KIAA0753: variants seen among roughly 807,000 people sequenced by gnomAD.
The protein encoded by KIAA0753 is protein moonraker.
A neutral mutation model predicts 116.9 loss-of-function variants in KIAA0753; 114 were observed. The ratio of observed to expected loss-of-function variants is 0.98; its 90% confidence interval spans 0.84 to 1.14. The LOEUF (loss-of-function observed/expected upper bound fraction) is 1.14, where lower values mean the gene tolerates loss of function less well. Ranked by LOEUF, KIAA0753 falls within the 50% of genes most tolerant of loss-of-function variation. KIAA0753 has a pLI of 0.00. For missense variants in KIAA0753, 1,156 were observed against 1,172.4 expected, an observed-to-expected ratio of 0.99 and a Z score of 0.20; for synonymous variants, 405 against 413.1, an observed-to-expected ratio of 0.98 and a Z score of 0.24.
At chr17:6,635,395 A>G in intron 1 of KIAA0753, 1 of 227,852 alleles carries the variant, frequency 4.4e-6, no homozygotes, top group Non-Finnish European at 8.3e-6. Context: ...ATAGGGGAAC[A>G]CTTACTATTT....
chr17:6,588,774 A>C (rs978918093), intron 18 of KIAA0753, among the ~76,000 whole-genome samples: 1 of 152,166 alleles, frequency 6.6e-6, no homozygotes, highest in East Asian at 1.9e-4. Context: ...TAAAAAGAAT[A>C]GATTTACACC....
chr17:6,603,961 C>T (rs534615962), intron 12 of KIAA0753, among the ~76,000 whole-genome samples: 7 of 152,170 alleles, frequency 4.6e-5, no homozygotes, highest in Non-Finnish European at 5.9e-5. Context: ...CCCATCAGAA[C>T]GCCTACAAAA....
intron 2 of KIAA0753, among the ~76,000 whole-genome samples, chr17:6,631,404 C>T (rs1972013642): frequency 6.6e-6 from 1 of 152,196 alleles, no homozygotes; most frequent in Non-Finnish European, 1.5e-5. Context: ...CATTCCAGAA[C>T]TGAGCAAAAA....
chr17:6,620,145 G>A (rs1018619970), intron 7 of KIAA0753, among the ~76,000 whole-genome samples: 22 of 152,156 alleles, frequency 1.4e-4, no homozygotes, highest in South Asian at 2.1e-4. Flanking sequence ...AGGAGCATGT[G>A]AAGAAACGAC....
At chr17:6,616,195 A>G (rs1335095634) in intron 7 of KIAA0753, among the ~76,000 whole-genome samples, 1 of 152,218 alleles carries the variant, frequency 6.6e-6, no homozygotes, top group Non-Finnish European at 1.5e-5. Flanking sequence ...TGGCAGAGCC[A>G]AGTCTTCTGG....
intron 2 of KIAA0753, among the ~76,000 whole-genome samples, chr17:6,630,095 T>C (rs1026989320): frequency 4.6e-5 from 7 of 151,956 alleles, no homozygotes; most frequent in African/African-American, 1.5e-4. Context: ...GCACTCAAGC[T>C]TGGGTGACAG....
intron 18 of KIAA0753, 108 bp from the exon 19 acceptor site, chr17:6,579,972 C>G (rs949011442): frequency 1.3e-5 from 10 of 750,846 alleles, no homozygotes; most frequent in African/African-American, 1.0e-4. Flanking sequence ...CACCTGAGGT[C>G]AGGAGTTTGA....
At chr17:6,606,357 T>C (rs1353561192) in intron 12 of KIAA0753, among the ~76,000 whole-genome samples, 1 of 152,212 alleles carries the variant, frequency 6.6e-6, no homozygotes, top group Non-Finnish European at 1.5e-5. Context: ...AATGAGGTAA[T>C]TGCAGCAGCA....
intron 4 of KIAA0753, among the ~76,000 whole-genome samples, chr17:6,624,536 C>CCACACACACACACA (rs55849399): frequency 9.0e-4 from 130 of 144,012 alleles, no homozygotes; most frequent in East Asian, 2.5e-3. Context: ...GAGTTTGGCG[C>CCACACACACACACA]CACACACACA....
rs1419152149 is a variant in KIAA0753 at position 6,600,435 on chromosome 17, T to C, written c.2033A>G (p.Asp678Gly). 3 of 1,613,834 alleles carry C rather than the reference T, an allele frequency of 1.9e-6. No individual in the cohort carries two copies. In the Admixed American group the frequency reaches 5.0e-5, roughly 27 times the overall value. ...QLSVSATHLA[D>G]KVEEAVLDRL... ...ATCCAGAACTGCCTCCTCTACCTTGTCTGCTAAGTGGGTGGCAGAAACACT... is the reference window on the plus strand; with the variant it reads ...ATCCAGAACTGCCTCCTCTACCTTGCCTGCTAAGTGGGTGGCAGAAACACT... The change falls in exon 13 of 19, where the codon GAC becomes GGC. Residue 678 changes from aspartate (D) to glycine (G), a missense_variant. Physicochemically the swap from Asp to Gly is moderately conservative, Grantham distance 94. Coordinates refer to ENST00000361413, the MANE Select transcript of KIAA0753 (RefSeq NM_014804.3).
chr17:6,578,875 G>A lies in KIAA0753; in HGVS notation c.*872C>T, dbSNP rs1392810236. ...TTAAGTTTCTTCCTTTCTCTGGGGA[G>A]ACACAGAGGTCTTCGCGCCATCCAT... On this transcript the variant is annotated 3_prime_UTR_variant, in exon 19 of 19. Coordinates refer to ENST00000361413, the MANE Select transcript of KIAA0753 (RefSeq NM_014804.3). 6.6e-6 allele frequency: 1 copy of A among 151,916 alleles called. No individual in the cohort carries two copies. Among genetic ancestry groups the A allele is most frequent in the Non-Finnish European group, 1.5e-5 (1 of 67,908 alleles). The allele number at this position is 151,916 out of a possible 1,614,324, so 9.4% of individuals were successfully genotyped here. A position where few individuals can be genotyped will look rare whatever the true frequency, so the allele number is the denominator to read the frequency against.
Position 6,622,864 on chromosome 17 carries a change from T to C in KIAA0753, c.1104+18A>G, listed in dbSNP as rs140984348. On this transcript the variant is annotated intron_variant, in intron 6 of 18. Coordinates refer to ENST00000361413, the MANE Select transcript of KIAA0753 (RefSeq NM_014804.3). ...ACTTCCAATGCACCTCTAACAAAAA[T>C]TGGAATTAATTCCATACCTCAATTT... 23 of 1,600,094 alleles carry C rather than the reference T, an allele frequency of 1.4e-5. No individual in the cohort carries two copies. The East Asian group carries it at 2.9e-4, about 20-fold the overall frequency.
Position 6,579,853 on chromosome 17 carries a change from T to C in KIAA0753, c.2798A>G (p.Glu933Gly). The C allele has an allele frequency of 1.2e-6, 2 of 1,613,270 alleles. No homozygotes were observed. Among genetic ancestry groups the C allele is most frequent in the Non-Finnish European group, 1.7e-6 (2 of 1,179,664 alleles). Residue 933 changes from glutamate to glycine, a missense_variant, in exon 19 of 19, where the codon GAG (glutamate) becomes GGG (glycine). Coordinates refer to ENST00000361413, the MANE Select transcript of KIAA0753 (RefSeq NM_014804.3). ...PWLIAESFSE[E>G]LVDEALGAVA... Reference sequence around the variant, plus strand: ...AGCACCCAGAGCTTCATCTACCAGCTCTTCTGAAAAGCTGGAAGACAAACA... The same window carrying C: ...AGCACCCAGAGCTTCATCTACCAGCCCTTCTGAAAAGCTGGAAGACAAACA...
At chr17:6,612,997 T>C (rs1431285840) in intron 7 of KIAA0753, among the ~76,000 whole-genome samples, 2 of 152,032 alleles carry the variant, frequency 1.3e-5, no homozygotes, top group Non-Finnish European at 2.9e-5. Flanking sequence ...CAACCTGCAA[T>C]GGGAAAGGAA....
At chr17:6,585,994 C>T (rs1169381522) in intron 18 of KIAA0753, among the ~76,000 whole-genome samples, 1 of 152,122 alleles carries the variant, frequency 6.6e-6, no homozygotes, top group East Asian at 1.9e-4. Context: ...CTGTAATCCC[C>T]ACTGCTGGAG....
chr17:6,606,825 T>G lies in KIAA0753; in HGVS notation c.2009+48A>C, dbSNP rs116263986. ...TGGTTGCTAGAACTATCTAGATCAA[T>G]TAGAACAGGCAAACATCCACTATTC... is the stretch of plus-strand genomic sequence containing the variant. On this transcript the variant is annotated intron_variant, in intron 12 of 18. Coordinates refer to ENST00000361413, the MANE Select transcript of KIAA0753 (RefSeq NM_014804.3). 1.4e-3 allele frequency: 2,060 copies of G among 1,512,216 alleles called. 22 individuals are homozygous for G. In the African/African-American group the frequency reaches 0.026, roughly 19 times the overall value. The allele number at this position is 1,512,216 out of a possible 1,614,324, so 93.7% of individuals were successfully genotyped here. A position where few individuals can be genotyped will look rare whatever the true frequency, so the allele number is the denominator to read the frequency against.
At chr17:6,581,740 T>C (rs1229948687) in intron 18 of KIAA0753, among the ~76,000 whole-genome samples, 3 of 152,262 alleles carry the variant, frequency 2.0e-5, no homozygotes, top group Non-Finnish European at 2.9e-5. Context: ...TTGTAATCCA[T>C]TACTATTATT....
At chr17:6,606,753 G>A (rs1970220177) in intron 12 of KIAA0753, 120 bp downstream of exon 12, 2 of 704,244 alleles carry the variant, frequency 2.8e-6, no homozygotes, top group Non-Finnish European at 5.1e-6. Context: ...TAGACATGCA[G>A]CTATTCATTC....
rs2150749183 is a variant in KIAA0753, at chr17:6,590,596, T to C, written c.2475A>G (p.Leu825=). 3 of 1,613,988 alleles carry C rather than the reference T, an allele frequency of 1.9e-6. No individual in the cohort carries two copies. The highest frequency in any genetic ancestry group is 2.2e-5 in the East Asian group (1 of 44,878). The change falls in exon 17 of 19, where the codon CTA becomes CTG. Residue 825 remains leucine, a synonymous_variant. Coordinates refer to ENST00000361413, the MANE Select transcript of KIAA0753 (RefSeq NM_014804.3). ...TCGTGATTCTGATTGGATGAGGAGA[T>C]AGAGGCTTTTCACTTATTGCTGAGA... is the stretch of plus-strand genomic sequence containing the variant. ...QKISAISEKP[L]SPHPIRITKT...
Sources: allele counts gnomAD v4.1 joint callset (sites outside exome capture counted in the v4.1 genomes callset), GRCh38; gene constraint gnomAD v4.1.1; transcripts MANE v1.5; gene names NCBI Gene and HGNC (gene_info 2026-07-23, HGNC 2026-07-21).